The following CYREN variants were observed in gnomAD, a reference collection of about 807,000 sequenced individuals.
The protein encoded by CYREN is cell cycle regulator of NHEJ.
CYREN carries 7 observed loss-of-function variants against 9.7 expected under a neutral mutation model. The ratio of observed to expected loss-of-function variants is 0.72; its 90% confidence interval spans 0.41 to 1.36. CYREN has a LOEUF of 1.36. Among genes scored for constraint, CYREN ranks in the 40% most tolerant of loss-of-function variants. The pLI is 0.01. For synonymous variants in CYREN, 76 were observed against 77.9 expected (o/e 0.98, Z 0.13); for missense variants, 215 against 198.1 (o/e 1.09, Z -0.51).
intron 2 of CYREN, among the ~76,000 whole-genome samples, chr7:135,160,745 AAAC>A (rs1248955407): frequency 1.3e-4 from 19 of 151,760 alleles, no homozygotes; most frequent in Non-Finnish European, 1.8e-4. Context: ...TAAAAAAAAA[AAAC>A]AAAAAAAAGA....
intron 2 of CYREN, among the ~76,000 whole-genome samples, chr7:135,150,342 A>C (rs1585341279): frequency 6.6e-6 from 1 of 152,082 alleles, no homozygotes; most frequent in South Asian, 2.1e-4. Flanking sequence ...CACCCTGTTT[A>C]TTTCTTTCCC....
chr7:135,128,022 G>A (rs750154676), intron 2 of CYREN, among the ~76,000 whole-genome samples: 11 of 152,054 alleles, frequency 7.2e-5, no homozygotes, highest in Admixed American at 1.3e-4. Context: ...TGCCAGGCAC[G>A]GTGGCTCACG....
chr7:135,167,289 A>G (rs1185260557), intron 3 of CYREN: 1 of 1,068,222 alleles, frequency 9.4e-7, no homozygotes, highest in African/African-American at 1.7e-5. Flanking sequence ...CACCTGGTAA[A>G]CTGTAGAATG....
chr7:135,154,943 A>T (rs1829753776), intron 2 of CYREN, among the ~76,000 whole-genome samples: 1 of 152,156 alleles, frequency 6.6e-6, no homozygotes, highest in Non-Finnish European at 1.5e-5. Flanking sequence ...GAGTGTTAAA[A>T]GTCCCCTACA....
chr7:135,095,885 C>T (rs1194174839), intron 2 of CYREN, among the ~76,000 whole-genome samples: 1 of 152,210 alleles, frequency 6.6e-6, no homozygotes, highest in Non-Finnish European at 1.5e-5. Flanking sequence ...GACACAGTGG[C>T]TCACGCCTGT....
chr7:135,138,676 G>C (rs1293712169), intron 2 of CYREN, among the ~76,000 whole-genome samples: 1 of 151,986 alleles, frequency 6.6e-6, no homozygotes, highest in Non-Finnish European at 1.5e-5. Flanking sequence ...TTGGTGTACA[G>C]ATTATTTCAT....
At chr7:135,116,828 T>C (rs1003814171) in intron 2 of CYREN, among the ~76,000 whole-genome samples, 1 of 152,178 alleles carries the variant, frequency 6.6e-6, no homozygotes, top group African/African-American at 2.4e-5. Flanking sequence ...TCTATATCAG[T>C]AGGCTGTCCC....
intron 2 of CYREN, among the ~76,000 whole-genome samples, chr7:135,110,193 G>A (rs1043771901): frequency 6.6e-6 from 1 of 152,124 alleles, no homozygotes; most frequent in Non-Finnish European, 1.5e-5. Flanking sequence ...GTCTCAGGGA[G>A]GTACAACACT....
chr7:135,128,342 A>G, intron 2 of CYREN: 1 of 326,490 alleles, frequency 3.1e-6, no homozygotes, highest in East Asian at 5.5e-5. Flanking sequence ...ACAAAACAAC[A>G]AGGCATTTGT....
intron 2 of CYREN, among the ~76,000 whole-genome samples, chr7:135,108,399 T>A (rs1825088243): frequency 6.6e-6 from 1 of 152,234 alleles, no homozygotes; most frequent in Admixed American, 6.5e-5. Context: ...AAGGTGGGTC[T>A]GGTGGTAATG....
intron 2 of CYREN, among the ~76,000 whole-genome samples, chr7:135,154,841 G>A (rs1829749814): frequency 6.6e-6 from 1 of 152,172 alleles, no homozygotes; most frequent in African/African-American, 2.4e-5. Context: ...TGGGTAGAAT[G>A]TTTTATAAGT....
At chr7:135,147,824 G>A (rs907157498) in intron 2 of CYREN, 4 of 456,064 alleles carry the variant, frequency 8.8e-6, no homozygotes, top group Non-Finnish European at 1.8e-5. Flanking sequence ...TTAAATCACT[G>A]GGAGCTTCGA....
chr7:135,171,329 A>ATT (rs1585385525), upstream of CYREN, among the ~76,000 whole-genome samples: 1,221 of 92,022 alleles, frequency 0.013, 1 homozygote, highest in African/African-American at 0.026. Context: ...TTTTTTTTAA[A>ATT]AAAAAAAGGA....
intron 2 of CYREN, chr7:135,135,039 A>G: frequency 1.3e-6 from 2 of 1,551,246 alleles, no homozygotes; most frequent in Non-Finnish European, 8.7e-7. Flanking sequence ...TCTGGGCCAT[A>G]AAGAATGAAG....
At chr7:135,134,861 G>A (rs1829263772) in intron 2 of CYREN, 1 of 1,548,406 alleles carries the variant, frequency 6.5e-7, no homozygotes, top group Admixed American at 2.0e-5. Flanking sequence ...GCTACTTGCA[G>A]AAATATAAAG....
chr7:135,164,324 G>A, downstream of CYREN: 1 of 1,083,984 alleles, frequency 9.2e-7, no homozygotes, highest in Non-Finnish European at 1.3e-6. Flanking sequence ...CTTGCCATGA[G>A]TTTGTAAGAA....
At chr7:135,117,809 G>A (rs1326933269) in intron 2 of CYREN, among the ~76,000 whole-genome samples, 1 of 152,180 alleles carries the variant, frequency 6.6e-6, no homozygotes, top group Non-Finnish European at 1.5e-5. Context: ...TCTGGGGACT[G>A]CCTCTTGATC....
chr7:135,108,359 A>T (rs567401277), intron 2 of CYREN, among the ~76,000 whole-genome samples: 46 of 152,190 alleles, frequency 3.0e-4, no homozygotes, highest in Middle Eastern at 3.4e-3. Context: ...TTTCCTTTCC[A>T]TATTTAGTGC....
intron 2 of CYREN, chr7:135,134,926 G>A: frequency 6.4e-7 from 1 of 1,551,090 alleles, no homozygotes; most frequent in African/African-American, 1.4e-5. Flanking sequence ...AATCCAAGGG[G>A]ATGTTATGGC....
Sources: gnomAD v4.1 joint callset for allele counts (sites outside exome capture counted in the v4.1 genomes callset) on GRCh38, gnomAD v4.1.1 for gene constraint, MANE v1.5 for transcripts, NCBI Gene and HGNC (gene_info 2026-07-23, HGNC 2026-07-21) for gene names.